Variants in TLE1 observed in about 807,000 individuals in gnomAD.
TLE1 encodes transducin-like enhancer protein 1.
Under a neutral mutation model 89.8 loss-of-function variants are expected in TLE1, and 21 were observed. The ratio of observed to expected loss-of-function variants is 0.23; its 90% confidence interval spans 0.17 to 0.34. The LOEUF is 0.34. TLE1 is among the 10% of genes least tolerant of loss of function. TLE1 has a pLI of 1.00. For synonymous variants in TLE1, 447 were observed against 407.6 expected, an observed-to-expected ratio of 1.10 and a Z score of -1.16; for missense variants, 795 against 1,031.2, an observed-to-expected ratio of 0.77 and a Z score of 3.14.
At chr9:81,667,385 C>CAAAAAA (rs397893862) in intron 4 of TLE1, among the ~76,000 whole-genome samples, 1 of 89,868 alleles carries the variant, frequency 1.1e-5, no homozygotes, top group Non-Finnish European at 2.2e-5. Context: ...CAGACTGTCT[C>CAAAAAA]AAAAAAAAAA....
intron 4 of TLE1, among the ~76,000 whole-genome samples, chr9:81,683,747 T>C (rs572699835): frequency 1.3e-5 from 2 of 152,292 alleles, no homozygotes; most frequent in Admixed American, 1.3e-4. Flanking sequence ...TTCACGTTTT[T>C]CAAATTGCTA....
chr9:81,671,384 T>A (rs1280996296), intron 4 of TLE1, among the ~76,000 whole-genome samples: 2 of 151,928 alleles, frequency 1.3e-5, no homozygotes, highest in Admixed American at 6.6e-5. Context: ...TGGTGGCTCA[T>A]ACCTGTAATC....
At chr9:81,588,381 C>T (rs957690639) in intron 16 of TLE1, among the ~76,000 whole-genome samples, 7 of 152,148 alleles carry the variant, frequency 4.6e-5, no homozygotes, top group African/African-American at 1.7e-4. Context: ...TTTACTCAAC[C>T]TTGCTTTCTG....
At chr9:81,640,133 CAGAG>C (rs1473849930) in intron 6 of TLE1, among the ~76,000 whole-genome samples, 1 of 152,102 alleles carries the variant, frequency 6.6e-6, no homozygotes, top group African/African-American at 2.4e-5. Flanking sequence ...GCCCTCACCA[CAGAG>C]AATTATCCTG....
chr9:81,629,576 AAAC>A (rs1193610330), intron 8 of TLE1, among the ~76,000 whole-genome samples: 2 of 152,242 alleles, frequency 1.3e-5, no homozygotes, highest in Admixed American at 6.5e-5. Flanking sequence ...ATGTGTCACT[AAAC>A]AACAGGGATA....
chr9:81,611,629 G>C, intron 13 of TLE1, 140 bp downstream of exon 13: 1 of 768,308 alleles, frequency 1.3e-6, no homozygotes, highest in Non-Finnish European at 1.8e-6. Flanking sequence ...CTGGGAGACT[G>C]GGCGTCTTTG....
chr9:81,639,632 G>C (rs1428179287), intron 6 of TLE1, among the ~76,000 whole-genome samples: 1 of 147,974 alleles, frequency 6.8e-6, no homozygotes, highest in African/African-American at 2.5e-5. Context: ...GCCCAGGCTG[G>C]AGTGCAGTGG....
chr9:81,617,222 A>G (rs756189537), intron 9 of TLE1, among the ~76,000 whole-genome samples: 110 of 152,306 alleles, frequency 7.2e-4, no homozygotes, highest in Non-Finnish European at 1.3e-3. Context: ...AAGTAACAAA[A>G]AAGTAAATTA....
intron 8 of TLE1, among the ~76,000 whole-genome samples, chr9:81,623,168 A>G (rs1366738318): frequency 6.6e-6 from 1 of 152,144 alleles, no homozygotes; most frequent in Non-Finnish European, 1.5e-5. Flanking sequence ...CAGAAACCCA[A>G]AAGTGACTTT....
At chr9:81,615,096 A>G (rs1358976213) in intron 11 of TLE1, among the ~76,000 whole-genome samples, 1 of 106,570 alleles carries the variant, frequency 9.4e-6, no homozygotes, top group Non-Finnish European at 2.0e-5. Flanking sequence ...AAAAAAAAAA[A>G]AAAAAAAAAA....
intron 4 of TLE1, among the ~76,000 whole-genome samples, chr9:81,655,053 T>C (rs753398190): frequency 1.3e-4 from 20 of 152,050 alleles, no homozygotes; most frequent in Non-Finnish European, 2.6e-4. Context: ...TTAGTGTCTA[T>C]AGCACGGGCT....
chr9:81,675,431 T>C (rs1330081987), intron 4 of TLE1, among the ~76,000 whole-genome samples: 1 of 152,162 alleles, frequency 6.6e-6, no homozygotes, highest in African/African-American at 2.4e-5. Flanking sequence ...CTACACTCTA[T>C]TGGCAGCTGC....
At chr9:81,645,004 A>T (rs1221168299) in intron 6 of TLE1, among the ~76,000 whole-genome samples, 1 of 144,054 alleles carries the variant, frequency 6.9e-6, no homozygotes, top group South Asian at 2.1e-4. Context: ...CTGTCTCAAA[A>T]AAAAAAAAAA....
chr9:81,685,393 C>A (rs1031767928), intron 4 of TLE1, among the ~76,000 whole-genome samples: 5 of 152,130 alleles, frequency 3.3e-5, no homozygotes, highest in Non-Finnish European at 7.3e-5. Context: ...TAAATCTATA[C>A]AGGTGAAAAA....
intron 4 of TLE1, among the ~76,000 whole-genome samples, chr9:81,673,089 A>G (rs1458855118): frequency 6.6e-6 from 1 of 151,850 alleles, no homozygotes; most frequent in African/African-American, 2.4e-5. Context: ...CCTGGCCAAC[A>G]TGGTGAAATC....
chr9:81,632,207 C>G (rs1826725267), intron 8 of TLE1, among the ~76,000 whole-genome samples: 1 of 152,138 alleles, frequency 6.6e-6, no homozygotes, highest in Non-Finnish European at 1.5e-5. Context: ...TATTTCCCAG[C>G]TATAATTTTT....
chr9:81,609,246 A>T (rs1823393750), intron 14 of TLE1, among the ~76,000 whole-genome samples: 1 of 151,916 alleles, frequency 6.6e-6, no homozygotes, highest in South Asian at 2.1e-4. Context: ...CACCACGCCC[A>T]GCTAATTTTT....
chr9:81,592,750 G>A (rs913097444), intron 15 of TLE1, among the ~76,000 whole-genome samples: 2 of 152,184 alleles, frequency 1.3e-5, no homozygotes, highest in African/African-American at 4.8e-5. Flanking sequence ...ACTCTCTTTT[G>A]TAATACACAT....
intron 4 of TLE1, among the ~76,000 whole-genome samples, chr9:81,676,905 A>G (rs1006118679): frequency 2.6e-5 from 4 of 152,244 alleles, no homozygotes; most frequent in African/African-American, 9.6e-5. Flanking sequence ...TTTATTTTAA[A>G]TGTATACAAC....
Sources: allele counts gnomAD v4.1 joint callset (sites outside exome capture counted in the v4.1 genomes callset), GRCh38; gene constraint gnomAD v4.1.1; transcripts MANE v1.5; gene names NCBI Gene and HGNC (gene_info 2026-07-23, HGNC 2026-07-21).